Variants in XPR1 observed in about 807,000 individuals in gnomAD.
XPR1 encodes the protein solute carrier family 53 member 1.
Under a neutral mutation model 87.5 loss-of-function variants are expected in XPR1, and 28 were observed. The ratio of observed to expected loss-of-function variants is 0.32; its 90% CI spans 0.24 to 0.44. The LOEUF is 0.44. Among genes scored for constraint, XPR1 ranks in the 20% least tolerant of loss-of-function variants. XPR1 has a pLI of 1.00. For missense variants in XPR1, 559 were observed against 862.3 expected (o/e 0.65, Z 4.41); for synonymous variants, 300 against 306.1 (o/e 0.98, Z 0.21).
intron 3 of XPR1, among the ~76,000 whole-genome samples, chr1:180,794,034 C>T (rs1229174422): frequency 1.3e-5 from 2 of 151,982 alleles, no homozygotes; most frequent in Non-Finnish European, 2.9e-5. Flanking sequence ...GGTCACAACC[C>T]AATAAATTGG....
chr1:180,734,279 G>C (rs1378120213), intron 2 of XPR1, among the ~76,000 whole-genome samples: 1 of 152,184 alleles, frequency 6.6e-6, no homozygotes, highest in Non-Finnish European at 1.5e-5. Flanking sequence ...GCTTTAATCA[G>C]GTTCTGCAAC....
At chr1:180,853,040 C>T (rs1209928994) in intron 11 of XPR1, among the ~76,000 whole-genome samples, 1 of 152,198 alleles carries the variant, frequency 6.6e-6, no homozygotes, top group African/African-American at 2.4e-5. Flanking sequence ...AAGCACTTCT[C>T]ATGCCTCAGC....
intron 1 of XPR1, among the ~76,000 whole-genome samples, chr1:180,635,340 T>G (rs1654727050): frequency 2.0e-5 from 3 of 152,180 alleles, no homozygotes; most frequent in Admixed American, 1.3e-4. Flanking sequence ...TTTTTAAAAT[T>G]TAGAATTAGT....
chr1:180,852,020 C>A (rs1235136636), intron 11 of XPR1, among the ~76,000 whole-genome samples: 2 of 151,038 alleles, frequency 1.3e-5, no homozygotes, highest in African/African-American at 4.9e-5. Context: ...CATAGATGAA[C>A]AAAACATATC....
At chr1:180,739,554 A>G (rs1658850660) in intron 2 of XPR1, among the ~76,000 whole-genome samples, 1 of 152,224 alleles carries the variant, frequency 6.6e-6, no homozygotes, top group Non-Finnish European at 1.5e-5. Context: ...GGCTTCCAAT[A>G]CATGATTATG....
At chr1:180,827,153 C>CAAAAAAAAAAAAAAAAA (rs11324246) in intron 9 of XPR1, among the ~76,000 whole-genome samples, 1 of 66,894 alleles carries the variant, frequency 1.5e-5, no homozygotes, top group African/African-American at 6.1e-5. Flanking sequence ...GACTCCTTCT[C>CAAAAAAAAAAAAAAAAA]AAAAAAAAAA....
At chr1:180,682,460 G>A (rs748413205) in intron 2 of XPR1, 49 bp downstream of exon 2, 1 of 1,517,006 alleles carries the variant, frequency 6.6e-7, no homozygotes, top group Admixed American at 1.9e-5. Flanking sequence ...CTCTTTTTAA[G>A]GAAAGATATT....
At chr1:180,825,076 C>A in intron 8 of XPR1, 89 bp from the exon 9 acceptor site, 1 of 1,506,552 alleles carries the variant, frequency 6.6e-7, no homozygotes, top group Non-Finnish European at 8.9e-7. Context: ...ATGTTTCTTA[C>A]TTTTGTTTTA....
In XPR1 at chr1:180,805,936, G is replaced by C. The variant is rs1237826081; in HGVS notation, c.448-126G>C. On this transcript the variant is annotated intron_variant, in intron 4 of 14. Coordinates refer to ENST00000367590, the MANE Select transcript of XPR1 (RefSeq NM_004736.4). ...TTTAGTAGTAGATGCTTTTATGAAA[G>C]CTTTGCCATTTCCTAGAGTACTTAA... 7.1e-6 allele frequency: 7 copies of C among 980,028 alleles called. No individual in the cohort carries two copies. The African/African-American group carries it at 8.2e-5, about 11-fold the overall frequency. The allele number at this position is 980,028 out of a possible 1,614,324, so 60.7% of individuals were successfully genotyped here. A position where few individuals can be genotyped will look rare whatever the true frequency, so the allele number is the denominator to read the frequency against.
intron 13 of XPR1, among the ~76,000 whole-genome samples, chr1:180,879,631 CAGT>C (rs1652781382): frequency 6.6e-6 from 1 of 152,176 alleles, no homozygotes; most frequent in Non-Finnish European, 1.5e-5. Flanking sequence ...TTTCCCTAAC[CAGT>C]CTTAATGATG....
intron 2 of XPR1, among the ~76,000 whole-genome samples, chr1:180,735,937 AACCAGTCATGAGTATCTATGAAT>A (rs1658715195): frequency 6.6e-6 from 1 of 152,202 alleles, no homozygotes; most frequent in Non-Finnish European, 1.5e-5. Flanking sequence ...GGCATTCAGC[AACCAGTCATGAGTATCTATGAAT>A]ACTAGACACC....
At chr1:180,753,718 T>C (rs1350474588) in intron 2 of XPR1, among the ~76,000 whole-genome samples, 1 of 152,200 alleles carries the variant, frequency 6.6e-6, no homozygotes, top group Admixed American at 6.5e-5. Flanking sequence ...GTTTGATATA[T>C]ATCTATATAG....
chr1:180,852,206 T>G (rs72707411), intron 11 of XPR1, among the ~76,000 whole-genome samples: 3 of 151,310 alleles, frequency 2.0e-5, no homozygotes, highest in Non-Finnish European at 2.9e-5. Flanking sequence ...AGTTCTGTGG[T>G]TTTTTTTTAA....
At position 180,818,811 on chromosome 1, in the gene XPR1, G is replaced by T. The variant is rs569783559; in HGVS notation, c.764-5942G>T. Among the ~76,000 whole-genome samples the T allele has an allele frequency of 3.5e-4, 53 of 152,298 alleles. 1 individual carries two copies. The South Asian group carries it at 0.011, about 32-fold the overall frequency. Reference sequence around the variant, plus strand: ...TAAATCTACAAAAGTTTGCTTCAGGGAGATCATGCCAAATGAAGGAGGTTT... The same window carrying T: ...TAAATCTACAAAAGTTTGCTTCAGGTAGATCATGCCAAATGAAGGAGGTTT... On this transcript the variant is annotated intron_variant, in intron 7 of 14. Transcript: ENST00000367590.
intron 2 of XPR1, among the ~76,000 whole-genome samples, chr1:180,776,608 A>T (rs191340717): frequency 6.2e-4 from 95 of 152,292 alleles, no homozygotes; most frequent in African/African-American, 2.1e-3. Context: ...CAATTGCAAG[A>T]TAGTTATTCA....
intron 3 of XPR1, among the ~76,000 whole-genome samples, chr1:180,793,062 G>A (rs1390664199): frequency 6.6e-6 from 1 of 151,974 alleles, no homozygotes; most frequent in Non-Finnish European, 1.5e-5. Context: ...GTTACATTGG[G>A]AAGTCATAGC....
intron 1 of XPR1, among the ~76,000 whole-genome samples, chr1:180,681,806 A>G (rs528548967): frequency 3.3e-5 from 5 of 152,280 alleles, no homozygotes; most frequent in Admixed American, 6.5e-5. Flanking sequence ...TAGCTAGGGC[A>G]TCACCATGCC....
chr1:180,715,153 G>C (rs1376715276), intron 2 of XPR1, among the ~76,000 whole-genome samples: 1 of 152,188 alleles, frequency 6.6e-6, no homozygotes, highest in Non-Finnish European at 1.5e-5. Context: ...ATGGTTGTTT[G>C]AATGTAATAT....
At chr1:180,806,329 A>T in intron 5 of XPR1, 118 bp downstream of exon 5, 1 of 1,481,574 alleles carries the variant, frequency 6.7e-7, no homozygotes, top group Non-Finnish European at 9.1e-7. Context: ...TATATGCCTT[A>T]CCTGTGATTT....
Sources: allele counts gnomAD v4.1 joint callset (sites outside exome capture counted in the v4.1 genomes callset), GRCh38; gene constraint gnomAD v4.1.1; transcripts MANE v1.5; gene names NCBI Gene and HGNC (gene_info 2026-07-23, HGNC 2026-07-21).